TSHZ2: variants seen among roughly 807,000 people sequenced by gnomAD.
The protein encoded by TSHZ2 is teashirt zinc finger homeobox 2, also known as teashirt homolog 2.
In TSHZ2, 21 loss-of-function variants were observed where a neutral mutation model predicts 74.4. That is an observed-to-expected ratio of 0.28 (90% confidence interval 0.20 to 0.41). The LOEUF is 0.41. TSHZ2 is among the 10% of genes least tolerant of loss of function. The pLI, the probability that TSHZ2 is intolerant of heterozygous loss-of-function variation, is 1.00. For missense variants in TSHZ2, 1,244 were observed against 1,293.5 expected, an observed-to-expected ratio of 0.96 and a Z score of 0.59; for synonymous variants, 540 against 515.3, an observed-to-expected ratio of 1.05 and a Z score of -0.65.
Position 53,225,780 on chromosome 20 carries a change from G to A in TSHZ2, c.41-27719G>A, listed in dbSNP as rs117576712. ...AAGCAAGTCTCTTTCCATGATGTCC[G>A]GAGCTCTGCTAAAGAAATTTCTGAC... On this transcript the variant is annotated intron_variant, in intron 1 of 2. Coordinates refer to ENST00000371497, the MANE Select transcript of TSHZ2 (RefSeq NM_173485.6). Among the ~76,000 whole-genome samples, 89 of 152,178 alleles carry A rather than the reference G, an allele frequency of 5.8e-4. 1 individual carries two copies. In the East Asian group the frequency reaches 7.7e-3, roughly 13 times the overall value.
At chr20:53,466,443 A>G (rs1178169964) in intron 2 of TSHZ2, among the ~76,000 whole-genome samples, 1 of 152,290 alleles carries the variant, frequency 6.6e-6, no homozygotes, top group African/African-American at 2.4e-5. Flanking sequence ...AATAAATAAC[A>G]TTGGCTCTGC....
chr20:53,438,928 C>T (rs1984204847), intron 2 of TSHZ2, among the ~76,000 whole-genome samples: 1 of 152,078 alleles, frequency 6.6e-6, no homozygotes, highest in East Asian at 1.9e-4. Context: ...CCATTGCACT[C>T]CAGCCTGGGC....
intron 2 of TSHZ2, among the ~76,000 whole-genome samples, chr20:53,468,688 C>CAAAAAAA (rs1158529552): frequency 1.5e-4 from 10 of 65,344 alleles, no homozygotes; most frequent in East Asian, 5.3e-4. Flanking sequence ...CATTACGAGA[C>CAAAAAAA]AAAAAAAAAA....
intron 2 of TSHZ2, among the ~76,000 whole-genome samples, chr20:53,319,722 C>A (rs540221586): frequency 6.6e-6 from 1 of 152,354 alleles, no homozygotes; most frequent in Admixed American, 6.5e-5. Context: ...TTTAACTTCT[C>A]TGAGTCTCAG....
chr20:53,134,176 C>T (rs542378803), intron 1 of TSHZ2, among the ~76,000 whole-genome samples: 1 of 152,134 alleles, frequency 6.6e-6, no homozygotes, highest in Non-Finnish European at 1.5e-5. Flanking sequence ...CCAATAGCAA[C>T]CTCTCTGAGA....
rs979463805 is a variant in TSHZ2, at chr20:53,475,843, C to A, written c.*9-11301C>A. On this transcript the variant is annotated intron_variant, in intron 2 of 2. Coordinates refer to ENST00000371497, the MANE Select transcript of TSHZ2 (RefSeq NM_173485.6). The stretch of plus-strand genomic sequence containing the variant: ...AAAGGGGATATCACCACCGATCCCA[C>A]AGAAATACAAACTACCATCAGAGAA... Among the ~76,000 whole-genome samples the A allele has an allele frequency of 1.5e-4, 21 of 135,700 alleles. 2 individuals carry two copies. The highest frequency in any genetic ancestry group is 3.3e-4 in the Non-Finnish European group (21 of 64,046). The allele number at this position is 135,700 out of a possible 152,430, so 89.0% of individuals were successfully genotyped here. A position where few individuals can be genotyped will look rare whatever the true frequency, so the allele number is the denominator to read the frequency against.
chr20:53,013,176 G>A (rs953153455), intron 1 of TSHZ2, among the ~76,000 whole-genome samples: 3 of 152,106 alleles, frequency 2.0e-5, no homozygotes, highest in Admixed American at 6.6e-5. Flanking sequence ...AAAATGTTGG[G>A]TGATCAGCCA....
chr20:53,123,411 T>C (rs1986866031), intron 1 of TSHZ2, among the ~76,000 whole-genome samples: 2 of 152,174 alleles, frequency 1.3e-5, no homozygotes, highest in Non-Finnish European at 1.5e-5. Flanking sequence ...CTGGACTCAC[T>C]GACATGTTTA....
intron 1 of TSHZ2, among the ~76,000 whole-genome samples, chr20:53,045,781 A>G (rs1984207694): frequency 6.6e-6 from 1 of 152,202 alleles, no homozygotes; most frequent in African/African-American, 2.4e-5. Context: ...GAGGCATAAG[A>G]GAAAATCCAT....
chr20:53,484,232 ATGGTGATCAAGGCATTCACC>A (rs371382902), intron 2 of TSHZ2, among the ~76,000 whole-genome samples: 1 of 152,170 alleles, frequency 6.6e-6, no homozygotes, highest in African/African-American at 2.4e-5. Context: ...CTCTCCACTG[ATGGTGATCAAGGCATTCACC>A]TGTAATCTAG....
intron 2 of TSHZ2, among the ~76,000 whole-genome samples, chr20:53,467,056 C>G (rs1019265935): frequency 6.6e-6 from 1 of 152,190 alleles, no homozygotes; most frequent in Non-Finnish European, 1.5e-5. Flanking sequence ...CTCTTCTCAT[C>G]AACAAATACA....
chr20:53,116,916 C>G (rs1039544970), intron 1 of TSHZ2, among the ~76,000 whole-genome samples: 1 of 152,058 alleles, frequency 6.6e-6, no homozygotes, highest in Non-Finnish European at 1.5e-5. Flanking sequence ...ATTCCAGAGG[C>G]TGGAAGTCTG....
chr20:53,343,205 G>C (rs777850141), intron 2 of TSHZ2, among the ~76,000 whole-genome samples: 6 of 151,880 alleles, frequency 4.0e-5, no homozygotes, highest in Non-Finnish European at 8.8e-5. Context: ...GACCTCAAAT[G>C]ATCTGCCCAT....
chr20:52,975,326 C>T (rs1054549354), intron 1 of TSHZ2, among the ~76,000 whole-genome samples: 8 of 151,944 alleles, frequency 5.3e-5, no homozygotes, highest in African/African-American at 1.7e-4. Context: ...AATGACTGGA[C>T]ATGTCTCCTT....
At chr20:53,386,976 C>T (rs1053557425) in intron 2 of TSHZ2, among the ~76,000 whole-genome samples, 1 of 152,030 alleles carries the variant, frequency 6.6e-6, no homozygotes, top group East Asian at 1.9e-4. Flanking sequence ...CTTTCCCTCC[C>T]TCTGTGTGAA....
At chr20:53,131,975 G>A (rs1472265123) in intron 1 of TSHZ2, among the ~76,000 whole-genome samples, 2 of 152,162 alleles carry the variant, frequency 1.3e-5, no homozygotes, top group African/African-American at 4.8e-5. Context: ...GTGAAGGAGA[G>A]TAGAGGGAAA....
At chr20:53,469,091 A>ATG (rs1985670837) in intron 2 of TSHZ2, among the ~76,000 whole-genome samples, 1 of 135,608 alleles carries the variant, frequency 7.4e-6, no homozygotes, top group African/African-American at 2.6e-5. Flanking sequence ...ATATGTACAT[A>ATG]TTCTAATTGA....
rs1334710502 is a variant in TSHZ2 at position 53,256,058 on chromosome 20, C to T, written c.2600C>T (p.Thr867Ile). 6.2e-7 allele frequency: 1 copy of T among 1,613,930 alleles called. No individual in the cohort carries two copies. The highest frequency in any genetic ancestry group is 1.1e-5 in the South Asian group (1 of 91,040). ...CAGTTTGCCTCGAGCCTCTTCCAGACATCAGAGGGCAAATACCTGCTGTCT... is the reference window on the plus strand; with the variant it reads ...CAGTTTGCCTCGAGCCTCTTCCAGATATCAGAGGGCAAATACCTGCTGTCT... ...QAQFASSLFQ[T>I]SEGKYLLSDL... is the part of the protein sequence containing the mutation. Residue 867 changes from threonine (T) to isoleucine (I), a missense_variant, in exon 2 of 3, where the codon ACA becomes ATA. Physicochemically the swap from Thr to Ile is moderately conservative, Grantham distance 89 (BLOSUM62 -1). Coordinates refer to ENST00000371497, the MANE Select transcript of TSHZ2 (RefSeq NM_173485.6). The surrounding 1 kb of genome is among the most constrained non-coding windows in gnomAD (Gnocchi z 4.3).
At chr20:53,206,637 C>T (rs1197994357) in intron 1 of TSHZ2, 5 of 152,200 alleles carry the variant, frequency 3.3e-5, no homozygotes, top group Non-Finnish European at 7.3e-5. Flanking sequence ...GAGTATCAAG[C>T]ACTCCACGGG....
Sources: gnomAD v4.1 joint callset for allele counts (sites outside exome capture counted in the v4.1 genomes callset) on GRCh38, gnomAD v4.1.1 for gene constraint, Gnocchi (gnomAD v3.1) non-coding constraint, MANE v1.5 for transcripts, NCBI Gene and HGNC (gene_info 2026-07-23, HGNC 2026-07-21) for gene names.